MECOM: variants seen among roughly 807,000 people sequenced by gnomAD.
The protein encoded by MECOM is histone-lysine N-methyltransferase MECOM.
In MECOM, 13 loss-of-function variants were observed where a neutral mutation model predicts 116.3. The ratio of observed to expected loss-of-function variants is 0.11; its 90% CI spans 0.07 to 0.18. The LOEUF is 0.18. Ranked by LOEUF, MECOM falls within the 10% of genes least tolerant of loss-of-function variation. The probability of loss-of-function intolerance (pLI) is 1.00; values close to 1 mark genes in which losing one functional copy is unlikely to be tolerated. For synonymous variants in MECOM, 528 were observed against 535.2 expected (o/e 0.99, Z 0.19); for missense variants, 1,299 against 1,509.0 (o/e 0.86, Z 2.31).
chr3:169,370,873 C>T (rs895315542), intron 2 of MECOM, among the ~76,000 whole-genome samples: 11 of 151,456 alleles, frequency 7.3e-5, no homozygotes, highest in South Asian at 4.2e-4. Context: ...CTGTTATTGG[C>T]GAAGATGTGG....
intron 1 of MECOM, among the ~76,000 whole-genome samples, chr3:169,402,848 C>G (rs543583022): frequency 6.6e-6 from 1 of 152,292 alleles, no homozygotes; most frequent in East Asian, 1.9e-4. Flanking sequence ...GTACTGCCTT[C>G]ACAAAGTGTT....
chr3:169,593,420 T>C (rs901245512), intron 1 of MECOM, among the ~76,000 whole-genome samples: 5 of 152,176 alleles, frequency 3.3e-5, no homozygotes, highest in African/African-American at 9.7e-5. Context: ...AATTTCCCAA[T>C]AGAGGAACCA....
intron 1 of MECOM, among the ~76,000 whole-genome samples, chr3:169,418,013 C>T (rs1272949915): frequency 1.1e-4 from 16 of 150,238 alleles, no homozygotes; most frequent in African/African-American, 7.4e-5. Context: ...TGCTAAATGA[C>T]GAGTTAATGT....
chr3:169,274,470 G>A (rs1759348014), intron 2 of MECOM, among the ~76,000 whole-genome samples: 1 of 152,138 alleles, frequency 6.6e-6, no homozygotes, highest in African/African-American at 2.4e-5. Flanking sequence ...GTAGCACAGG[G>A]GTTGAGCAGG....
chr3:169,406,501 A>G (rs1736711806), intron 1 of MECOM, among the ~76,000 whole-genome samples: 1 of 152,220 alleles, frequency 6.6e-6, no homozygotes, highest in Non-Finnish European at 1.5e-5. Context: ...TATAAACTCA[A>G]GAAAAGCGAT....
intron 2 of MECOM, among the ~76,000 whole-genome samples, chr3:169,379,390 C>T (rs1274409324): frequency 1.3e-5 from 2 of 151,884 alleles, no homozygotes; most frequent in African/African-American, 2.4e-5. Context: ...ATGTGATTTT[C>T]GGCCAAAAAG....
chr3:169,651,192 T>C lies in MECOM; in HGVS notation c.37+12144A>G, dbSNP rs575243686. ...AGTACATTGAGGTATGTCCCTTAAA[T>C]GCCAATTTTGCTGAAAGTTTTAATC... On this transcript the variant is annotated intron_variant, in intron 1 of 16. Transcript: ENST00000651503. Among the ~76,000 whole-genome samples the C allele has an allele frequency of 5.9e-4, 90 of 152,350 alleles. 2 individuals are homozygous for C. Among genetic ancestry groups the C allele is most frequent in the African/African-American group, 2.1e-3 (87 of 41,584 alleles).
intron 1 of MECOM, among the ~76,000 whole-genome samples, chr3:169,649,541 G>C (rs190771298): frequency 6.6e-6 from 1 of 152,026 alleles, no homozygotes; most frequent in African/African-American, 2.4e-5. Context: ...ATCATTTTCA[G>C]GGGTATATGT....
chr3:169,281,763 G>A (rs565328943), intron 2 of MECOM, among the ~76,000 whole-genome samples: 1 of 152,242 alleles, frequency 6.6e-6, no homozygotes, highest in South Asian at 2.1e-4. Context: ...AGTGAGCTGA[G>A]ATTGTAACAC....
intron 2 of MECOM, among the ~76,000 whole-genome samples, chr3:169,170,537 A>T (rs940048605): frequency 3.3e-5 from 5 of 152,100 alleles, no homozygotes; most frequent in Non-Finnish European, 5.9e-5. Context: ...ATGTATATAC[A>T]CTTTCGTGGA....
intron 1 of MECOM, among the ~76,000 whole-genome samples, chr3:169,396,088 A>G: frequency 6.6e-6 from 1 of 152,250 alleles, no homozygotes; most frequent in East Asian, 1.9e-4. Context: ...CATTTCTAGA[A>G]TTAGTGATAA....
chr3:169,347,380 A>G (rs577568535), intron 2 of MECOM, among the ~76,000 whole-genome samples: 79 of 152,160 alleles, frequency 5.2e-4, no homozygotes, highest in African/African-American at 1.8e-3. Flanking sequence ...TTTGAAAGAA[A>G]AAGATTTTTG....
chr3:169,253,296 T>C (rs1756456154), intron 2 of MECOM, among the ~76,000 whole-genome samples: 3 of 152,146 alleles, frequency 2.0e-5, no homozygotes, highest in African/African-American at 7.2e-5. Flanking sequence ...ACTTCACTAA[T>C]GCTGACCAAC....
chr3:169,657,958 C>A (rs570204160), intron 1 of MECOM, among the ~76,000 whole-genome samples: 60 of 152,330 alleles, frequency 3.9e-4, no homozygotes, highest in Middle Eastern at 6.8e-3. Context: ...CACTATTTCT[C>A]CCTTCCTGTC....
intron 2 of MECOM, among the ~76,000 whole-genome samples, chr3:169,241,430 T>C (rs1428102857): frequency 6.6e-6 from 1 of 152,150 alleles, no homozygotes; most frequent in Non-Finnish European, 1.5e-5. Flanking sequence ...AGTGTTAAAT[T>C]TCACCTTAAC....
chr3:169,167,203 T>A (rs751582699), intron 2 of MECOM, among the ~76,000 whole-genome samples: 4 of 152,196 alleles, frequency 2.6e-5, no homozygotes, highest in Non-Finnish European at 4.4e-5. Flanking sequence ...TTATTTATTG[T>A]TTGTTTCATA....
At chr3:169,579,034 TATTTAATTA>T (rs1263802268) in intron 1 of MECOM, among the ~76,000 whole-genome samples, 1 of 152,198 alleles carries the variant, frequency 6.6e-6, no homozygotes, top group Non-Finnish European at 1.5e-5. Context: ...TAATAACCAT[TATTTAATTA>T]ACAGATGAAG....
At chr3:169,591,013 A>C (rs1018904444) in intron 1 of MECOM, among the ~76,000 whole-genome samples, 2 of 152,190 alleles carry the variant, frequency 1.3e-5, no homozygotes, top group Non-Finnish European at 2.9e-5. Context: ...AATCAAAGTG[A>C]AATTGAGCAA....
chr3:169,110,102 T>C lies in MECOM; in HGVS notation c.2578-2150A>G, dbSNP rs573600621. Among the ~76,000 whole-genome samples, 6 of 152,230 alleles carry C rather than the reference T, an allele frequency of 3.9e-5. No homozygotes were observed. The South Asian group carries it at 1.2e-3, about 32-fold the overall frequency. ...TATACTTAAATGGAAAATGAAGCAATGAACAGTTTTATGCAAGCACATTAG... is the reference window on the plus strand; with the variant it reads ...TATACTTAAATGGAAAATGAAGCAACGAACAGTTTTATGCAAGCACATTAG... On this transcript the variant is annotated intron_variant, in intron 9 of 16. Transcript: ENST00000651503.
Sources: allele counts gnomAD v4.1 joint callset (sites outside exome capture counted in the v4.1 genomes callset), GRCh38; gene constraint gnomAD v4.1.1; transcripts MANE v1.5; gene names NCBI Gene and HGNC (gene_info 2026-07-23, HGNC 2026-07-21).